The following CMPK2 variants were observed in gnomAD, a reference collection of about 807,000 sequenced individuals.
CMPK2 encodes the protein UMP-CMP kinase 2, mitochondrial.
CMPK2 carries 32 observed loss-of-function variants against 33.4 expected under a neutral mutation model. That is an observed-to-expected ratio of 0.96 (90% CI 0.72 to 1.29). The LOEUF (loss-of-function observed/expected upper bound fraction) is 1.29. CMPK2 is among the 50% of genes most tolerant of loss of function. The probability of loss-of-function intolerance (pLI) is 0.00; values close to 1 mark genes in which losing one functional copy is unlikely to be tolerated. For synonymous variants in CMPK2, 299 were observed against 275.3 expected (o/e 1.09, Z -0.85); for missense variants, 672 against 616.0 (o/e 1.09, Z -0.96).
chr2:6,851,532 T>C lies in CMPK2; in HGVS notation c.1144A>G (p.Arg382Gly). 1 of 1,614,152 alleles carries C rather than the reference T, an allele frequency of 6.2e-7. No individual in the cohort carries two copies. Among genetic ancestry groups the C allele is most frequent in the Non-Finnish European group, 8.5e-7 (1 of 1,180,020 alleles). The change falls in exon 4 of 5, where the codon AGG becomes GGG. Residue 382 changes from arginine to glycine, a missense_variant. Coordinates refer to ENST00000256722, the MANE Select transcript of CMPK2 (RefSeq NM_207315.4). Reference sequence around the variant, plus strand: ...CCCCGGCCCTGCAGCCTCTGCAACCTCTCCTCAGGACTCACAGTGAGCAGC... The same window carrying C: ...CCCCGGCCCTGCAGCCTCTGCAACCCCTCCTCAGGACTCACAGTGAGCAGC... ...ILLLTVSPEE[R>G]LQRLQGRGME...
chr2:6,862,591 C>T (rs1007394477), intron 2 of CMPK2, among the ~76,000 whole-genome samples: 2 of 152,110 alleles, frequency 1.3e-5, no homozygotes, highest in African/African-American at 4.8e-5. Context: ...GTTACAATTC[C>T]CTCTGCAGCT....
chr2:6,865,982 G>T, upstream of CMPK2: 1 of 898,238 alleles, frequency 1.1e-6, no homozygotes. Context: ...GCGGGCCTGC[G>T]CGGTCCCCAG....
chr2:6,858,211 CT>C (rs879922528), intron 3 of CMPK2, among the ~76,000 whole-genome samples: 4,125 of 144,322 alleles, frequency 0.029, 165 homozygotes, highest in African/African-American at 0.09. Flanking sequence ...TCACATTTGC[CT>C]TTTTTTTTTT....
downstream of CMPK2, among the ~76,000 whole-genome samples, chr2:6,843,594 T>G (rs886162646): frequency 3.2e-4 from 48 of 152,142 alleles, no homozygotes; most frequent in African/African-American, 1.1e-3. Context: ...ACCTCTGGGC[T>G]AATATTGATT....
intron 3 of CMPK2, among the ~76,000 whole-genome samples, chr2:6,853,881 A>G (rs541177808): frequency 3.9e-4 from 60 of 152,184 alleles, no homozygotes; most frequent in East Asian, 1.4e-3. Context: ...CAGCCTGGGC[A>G]ACAGAGCGAG....
chr2:6,849,056 T>G lies in CMPK2; in HGVS notation c.*794A>C, dbSNP rs995477123. On this transcript the variant is annotated 3_prime_UTR_variant, in exon 5 of 5. Transcript: ENST00000256722. Reference sequence around the variant, plus strand: ...TAAATAAATTACTGGATTGGCTAAATGAAATGCATCCAGTTCAATGGAAAA... The same window carrying G: ...TAAATAAATTACTGGATTGGCTAAAGGAAATGCATCCAGTTCAATGGAAAA... The G allele has an allele frequency of 1.0e-6, 1 of 983,998 alleles. No individual in the cohort carries two copies. Among genetic ancestry groups the G allele is most frequent in the African/African-American group, 1.7e-5 (1 of 57,188 alleles). 61.0% of individuals were successfully genotyped at this position (983,998 alleles called of 1,614,324 possible). A position where few individuals can be genotyped will look rare whatever the true frequency, so the allele number is the denominator to read the frequency against.
Position 6,865,354 on chromosome 2 carries a change from G to A in CMPK2, c.343C>T (p.Leu115=). The A allele has an allele frequency of 6.9e-7, 1 of 1,450,800 alleles. No homozygotes were observed. The highest frequency in any genetic ancestry group is 9.0e-7 in the Non-Finnish European group (1 of 1,110,418). The allele number at this position is 1,450,800 out of a possible 1,614,324, so 89.9% of individuals were successfully genotyped here. Residue 115 remains leucine (L), a synonymous_variant, in exon 1 of 5, where the codon CTG becomes TTG. Transcript: ENST00000256722. The part of the protein sequence containing the change: ...GPFQRCQLLR[L]LCYCPGGQAG... ...TGGCCGCCCGGGCAGTAGCAGAGCAGCCTGAGCAGCTGGCACCGCTGGAAG... is the reference window on the plus strand; with the variant it reads ...TGGCCGCCCGGGCAGTAGCAGAGCAACCTGAGCAGCTGGCACCGCTGGAAG...
chr2:6,856,909 G>C (rs1411825995), intron 3 of CMPK2, among the ~76,000 whole-genome samples: 1 of 152,176 alleles, frequency 6.6e-6, no homozygotes, highest in East Asian at 1.9e-4. Context: ...GCTTTCTCCT[G>C]TTGATGGGCT....
Position 6,865,024 on chromosome 2 carries a change from C to A in CMPK2, c.673G>T (p.Glu225Ter). ...DREAARAVLEECTSFIPEARA... is the reference protein window; with the variant it reads ...DREAARAVLE ...CTGGAAGCGGACAGAACTCTTACCT[C>A]CTCCAAAACGGCCCGGGCGGCTTCC... Residue 225 changes from glutamate (E) to a stop codon, truncating the protein, a stop_gained and splice_region_variant, in exon 1 of 5, where the codon GAG becomes TAG. Transcript: ENST00000256722. LOFTEE classifies it high-confidence loss of function. The A allele has an allele frequency of 7.0e-7, 1 of 1,427,622 alleles. No individual in the cohort carries two copies. Among genetic ancestry groups the A allele is most frequent in the South Asian group, 1.5e-5 (1 of 65,860 alleles). The allele number at this position is 1,427,622 out of a possible 1,614,324, so 88.4% of individuals were successfully genotyped here.
At chr2:6,866,183 G>A (rs1431775152), upstream of CMPK2, 1 of 185,398 alleles carries the variant, frequency 5.4e-6, no homozygotes, top group Non-Finnish European at 1.1e-5. Context: ...CCGGTGTAAC[G>A]GGCTCTTCAA....
chr2:6,843,419 A>T (rs1412280115), downstream of CMPK2, among the ~76,000 whole-genome samples: 1 of 152,186 alleles, frequency 6.6e-6, no homozygotes, highest in Non-Finnish European at 1.5e-5. Context: ...TGCAAGGTCC[A>T]AGAAGGTCCT....
intron 2 of CMPK2, 55 bp from the exon 3 acceptor site, chr2:6,861,440 T>C (rs1662880789): frequency 7.2e-7 from 1 of 1,379,634 alleles, no homozygotes. Flanking sequence ...AAGTTAACAT[T>C]GACGTAGAAA....
At position 6,861,223 on chromosome 2, in the gene CMPK2, A is replaced by T. The variant is rs1185648257; in HGVS notation, c.953T>A (p.Ile318Lys). The change falls in exon 3 of 5, where the codon ATA (isoleucine) becomes AAA (lysine). Residue 318 changes from isoleucine to lysine, a missense_variant. Coordinates refer to ENST00000256722, the MANE Select transcript of CMPK2 (RefSeq NM_207315.4). ...SLGNYIVASE[I>K]AKESAKSPVI... ...AGGAGATTTGGCAGATTCTTTAGCT[A>T]TTTCGGAGGCCACAATATAATTGCC... 1.2e-6 allele frequency: 2 copies of T among 1,614,084 alleles called. No individual in the cohort carries two copies. The highest frequency in any genetic ancestry group is 3.3e-5 in the Admixed American group (2 of 59,998).
downstream of CMPK2, among the ~76,000 whole-genome samples, chr2:6,848,089 GA>G (rs1662408905): frequency 6.6e-6 from 1 of 152,140 alleles, no homozygotes; most frequent in South Asian, 2.1e-4. Flanking sequence ...TAAAAAGAAT[GA>G]ATTACAAAAT....
chr2:6,860,381 G>A (rs1370344110), intron 3 of CMPK2, among the ~76,000 whole-genome samples: 3 of 152,206 alleles, frequency 2.0e-5, no homozygotes, highest in Non-Finnish European at 4.4e-5. Context: ...TGGTTTGGCT[G>A]TGTCCCCACC....
In CMPK2 at chr2:6,848,638, A is replaced by G. The variant is rs902292202; in HGVS notation, c.*1212T>C. On this transcript the variant is annotated 3_prime_UTR_variant, in exon 5 of 5. Transcript: ENST00000256722. ...GCAGACCTGATAAAGCCTTAAATTT[A>G]ATTATTTTGGAGTAATGTCTTCTTA... 5.2e-6 allele frequency: 5 copies of G among 970,842 alleles called. No individual in the cohort carries two copies. 60.1% of individuals were successfully genotyped at this position (970,842 alleles called of 1,614,324 possible). A position where few individuals can be genotyped will look rare whatever the true frequency, so the allele number is the denominator to read the frequency against.
At position 6,849,770 on chromosome 2, in the gene CMPK2, G is replaced by T; in HGVS notation, c.*80C>A. On this transcript the variant is annotated 3_prime_UTR_variant, in exon 5 of 5. Coordinates refer to ENST00000256722, the MANE Select transcript of CMPK2 (RefSeq NM_207315.4). ...ACATGCTTGTAGAACAGAAATTTGG[G>T]AACACTGCATAACAAATGGTGGATG... 1 of 1,580,028 alleles carries T rather than the reference G, an allele frequency of 6.3e-7. No individual in the cohort carries two copies. The highest frequency in any genetic ancestry group is 1.2e-5 in the South Asian group (1 of 84,458).
At chr2:6,865,966 G>T, upstream of CMPK2, 1 of 1,088,258 alleles carries the variant, frequency 9.2e-7, no homozygotes, top group South Asian at 1.7e-5. Flanking sequence ...CCAGGTGCGC[G>T]GCTCCGCGGG....
chr2:6,865,505 C>T lies in CMPK2; in HGVS notation c.192G>A (p.Ala64=), dbSNP rs1324644645. The part of the protein sequence containing the change: ...DADAPDPRLA[A]LLGPPERSYS... Reference sequence around the variant, plus strand: ...AGCTGCGCTCCGGGGGCCCCAGCAGCGCCGCCAGGCGGGGGTCGGGGGCGT... The same window carrying T: ...AGCTGCGCTCCGGGGGCCCCAGCAGTGCCGCCAGGCGGGGGTCGGGGGCGT... Residue 64 remains alanine (A), a synonymous_variant, in exon 1 of 5, where the codon GCG becomes GCA. Transcript: ENST00000256722. The T allele has an allele frequency of 3.9e-6, 5 of 1,270,636 alleles. No individual in the cohort carries two copies. Among genetic ancestry groups the T allele is most frequent in the Non-Finnish European group, 4.9e-6 (5 of 1,013,270 alleles). The allele number at this position is 1,270,636 out of a possible 1,614,324, so 78.7% of individuals were successfully genotyped here. A position where few individuals can be genotyped will look rare whatever the true frequency, so the allele number is the denominator to read the frequency against.
Sources: allele counts gnomAD v4.1 joint callset (sites outside exome capture counted in the v4.1 genomes callset), GRCh38; gene constraint gnomAD v4.1.1; transcripts MANE v1.5; gene names NCBI Gene and HGNC (gene_info 2026-07-23, HGNC 2026-07-21).